SAMMSON: variants seen among roughly 807,000 people sequenced by gnomAD.
SAMMSON encodes the protein survival associated mitochondrial melanoma specific oncogenic non-coding RNA.
chr3:70,016,372 G>C (rs928433287), intron 3 of SAMMSON, among the ~76,000 whole-genome samples: 1 of 152,114 alleles, frequency 6.6e-6, no homozygotes, highest in African/African-American at 2.4e-5. Context: ...CTTTTGAGAA[G>C]ACATTGAGAT....
chr3:70,025,914 CTCA>C (rs1360996837), intron 3 of SAMMSON, among the ~76,000 whole-genome samples: 1 of 152,070 alleles, frequency 6.6e-6, no homozygotes, highest in Non-Finnish European at 1.5e-5. Flanking sequence ...GGTCTTCATT[CTCA>C]TCATCTTCAT....
intron 2 of SAMMSON, among the ~76,000 whole-genome samples, chr3:70,395,353 T>TA (rs2087174301): frequency 6.8e-6 from 1 of 147,062 alleles, no homozygotes; most frequent in Admixed American, 6.8e-5. Flanking sequence ...TTTTTTTGTG[T>TA]TGTTGTTGTT....
intron 9 of SAMMSON, among the ~76,000 whole-genome samples, chr3:70,368,757 C>G (rs1034710710): frequency 5.3e-5 from 8 of 151,636 alleles, no homozygotes; most frequent in Admixed American, 2.0e-4. Flanking sequence ...ACCACACTGT[C>G]TTGATCACTG....
intron 4 of SAMMSON, among the ~76,000 whole-genome samples, chr3:70,108,804 C>A (rs528843121): frequency 5.9e-5 from 9 of 152,080 alleles, no homozygotes; most frequent in African/African-American, 2.2e-4. Context: ...ACCAACCTTG[C>A]TGGCATTTTG....
intron 7 of SAMMSON, among the ~76,000 whole-genome samples, chr3:70,349,521 C>T (rs894538435): frequency 5.9e-5 from 9 of 152,180 alleles, no homozygotes; most frequent in Non-Finnish European, 1.2e-4. Flanking sequence ...TATTTTCTCA[C>T]CTGTATTATA....
chr3:70,236,062 C>A (rs1353414008), intron 4 of SAMMSON, among the ~76,000 whole-genome samples: 1 of 152,058 alleles, frequency 6.6e-6, no homozygotes, highest in East Asian at 1.9e-4. Context: ...AATGAATAAT[C>A]TTTCCCACGA....
intron 6 of SAMMSON, among the ~76,000 whole-genome samples, chr3:70,268,150 C>A (rs1285954910): frequency 6.6e-6 from 1 of 151,448 alleles, no homozygotes; most frequent in Non-Finnish European, 1.5e-5. Context: ...ATACTCCTGC[C>A]CCCACACATG....
intron 3 of SAMMSON, among the ~76,000 whole-genome samples, chr3:70,031,509 C>T (rs1214861106): frequency 6.6e-6 from 1 of 152,120 alleles, no homozygotes; most frequent in Non-Finnish European, 1.5e-5. Flanking sequence ...CTGAATTGTA[C>T]ACTTACAATT....
intron 1 of SAMMSON, among the ~76,000 whole-genome samples, chr3:70,003,135 A>G (rs2066912300): frequency 6.6e-6 from 1 of 152,044 alleles, no homozygotes; most frequent in African/African-American, 2.4e-5. Flanking sequence ...TTGACAGAAA[A>G]TATATTTTGT....
Position 70,161,346 on chromosome 3 carries a change from G to A in SAMMSON, n.508-87761G>A, listed in dbSNP as rs1264965817. On this transcript the variant is annotated intron_variant and non_coding_transcript_variant, in intron 4 of 9. Coordinates refer to ENST00000642114, the Ensembl canonical transcript of SAMMSON. ...GCTTTATCACATTAAGGAAATTCCT[G>A]CCTATTCCAAGCTTGTTGAGAGCTT... Among the ~76,000 whole-genome samples the A allele has an allele frequency of 9.2e-5, 14 of 152,044 alleles. No individual in the cohort carries two copies. In the South Asian group the frequency reaches 2.7e-3, roughly 29 times the overall value.
At chr3:70,030,602 C>T (rs575733761) in intron 3 of SAMMSON, 1 of 152,032 alleles carries the variant, frequency 6.6e-6, no homozygotes, top group Non-Finnish European at 1.5e-5. Context: ...AACTGAGGCT[C>T]GGGAATTTTA....
chr3:70,124,416 G>C (rs569254150), intron 4 of SAMMSON, among the ~76,000 whole-genome samples: 1 of 152,248 alleles, frequency 6.6e-6, no homozygotes, highest in South Asian at 2.1e-4. Context: ...TCGGTAATTA[G>C]GTACTAGGGA....
At chr3:70,132,267 G>A (rs1221281816) in intron 4 of SAMMSON, among the ~76,000 whole-genome samples, 1 of 152,136 alleles carries the variant, frequency 6.6e-6, no homozygotes, top group Non-Finnish European at 1.5e-5. Flanking sequence ...CGTTGACCAT[G>A]GGATGGTTCT....
chr3:70,168,682 C>T (rs1026206905), intron 4 of SAMMSON, among the ~76,000 whole-genome samples: 2 of 151,976 alleles, frequency 1.3e-5, no homozygotes, highest in African/African-American at 4.8e-5. Flanking sequence ...TATTTATGGC[C>T]CCACTTGTCA....
intron 3 of SAMMSON, among the ~76,000 whole-genome samples, chr3:70,057,470 T>G (rs2067172477): frequency 6.6e-6 from 1 of 152,114 alleles, no homozygotes; most frequent in Admixed American, 6.6e-5. Flanking sequence ...TGTCTTTGCC[T>G]TGTTTGAGGA....
intron 4 of SAMMSON, among the ~76,000 whole-genome samples, chr3:70,176,546 T>C (rs967401950): frequency 6.6e-6 from 1 of 152,204 alleles, no homozygotes; most frequent in African/African-American, 2.4e-5. Context: ...TGATGTTCTA[T>C]GAGTTGTTAT....
At chr3:70,218,383 T>C (rs1211570312) in intron 4 of SAMMSON, among the ~76,000 whole-genome samples, 1 of 152,124 alleles carries the variant, frequency 6.6e-6, no homozygotes, top group African/African-American at 2.4e-5. Flanking sequence ...ATTTTTCCCT[T>C]TTTTACTAGT....
intron 4 of SAMMSON, chr3:70,197,288 A>G: frequency 2.5e-6 from 1 of 397,380 alleles, no homozygotes; most frequent in Non-Finnish European, 4.4e-6. Context: ...CCAACTCTTA[A>G]TTATTTATCC....
At chr3:70,406,330 GAAAATATTCTTTAC>G (rs1701177666) in intron 2 of SAMMSON, among the ~76,000 whole-genome samples, 1 of 152,088 alleles carries the variant, frequency 6.6e-6, no homozygotes, top group Non-Finnish European at 1.5e-5. Flanking sequence ...CATATCCTAT[GAAAATATTCTTTAC>G]AAAATGAAAG....
Sources: gnomAD v4.1 joint callset for allele counts (sites outside exome capture counted in the v4.1 genomes callset) on GRCh38, gnomAD v4.1.1 for gene constraint, MANE v1.5 for transcripts, NCBI Gene and HGNC (gene_info 2026-07-23, HGNC 2026-07-21) for gene names.